Variants in ANXA8 observed in about 807,000 individuals in gnomAD.
The protein encoded by ANXA8 is VAC-beta.
In ANXA8, 9 loss-of-function variants were observed where a neutral mutation model predicts 26.8. That is an observed-to-expected ratio of 0.34 (90% CI 0.20 to 0.59). The LOEUF (loss-of-function observed/expected upper bound fraction) is 0.59. Ranked by LOEUF, ANXA8 falls within the 20% of genes least tolerant of loss-of-function variation. The pLI is 0.84. For missense variants in ANXA8, 83 were observed against 238.5 expected (o/e 0.35, Z 4.29); for synonymous variants, 39 against 94.8 (o/e 0.41, Z 3.42).
At chr10:47,484,862 G>T (rs1419982134), upstream of ANXA8, 8 of 443,844 alleles carry the variant, frequency 1.8e-5, no homozygotes, top group African/African-American at 4.2e-5. Flanking sequence ...CTTCTGGCTG[G>T]GGCACCTACA....
the ANXA8 span, among the ~76,000 whole-genome samples, chr10:47,644,673 C>T: frequency 5.3e-5 from 8 of 151,622 alleles, no homozygotes; most frequent in Non-Finnish European, 1.2e-4. Flanking sequence ...AGGGTCTTTC[C>T]TATTTAGTTT....
the ANXA8 span, among the ~76,000 whole-genome samples, chr10:47,966,556 T>C: frequency 6.8e-6 from 1 of 148,002 alleles, no homozygotes; most frequent in African/African-American, 2.5e-5. Context: ...CTCTGATGGC[T>C]CCCAGTCCTC....
the ANXA8 span, among the ~76,000 whole-genome samples, chr10:47,952,320 G>A: frequency 6.6e-6 from 1 of 151,462 alleles, no homozygotes; most frequent in South Asian, 2.1e-4. Flanking sequence ...GAAAGGAGGA[G>A]GTAAAACTGA....
the ANXA8 span, among the ~76,000 whole-genome samples, chr10:47,556,446 T>C: frequency 6.6e-6 from 1 of 151,988 alleles, no homozygotes; most frequent in Admixed American, 6.5e-5. Context: ...CATTTCCGTT[T>C]CCAAGAGGTA....
At chr10:47,528,122 C>T in the ANXA8 span, among the ~76,000 whole-genome samples, 1 of 137,812 alleles carries the variant, frequency 7.3e-6, no homozygotes. Flanking sequence ...CTCTGTCACC[C>T]AGGCTGGAGT....
the ANXA8 span, among the ~76,000 whole-genome samples, chr10:47,703,449 T>C: frequency 6.6e-6 from 1 of 150,680 alleles, no homozygotes; most frequent in Non-Finnish European, 1.5e-5. Flanking sequence ...GCCCCTATGG[T>C]CCCAGCTATT....
the ANXA8 span, among the ~76,000 whole-genome samples, chr10:47,562,170 T>C: frequency 6.6e-6 from 1 of 151,842 alleles, no homozygotes; most frequent in Non-Finnish European, 1.5e-5. Flanking sequence ...TTATGATCTG[T>C]ATAATAAATA....
At chr10:47,572,639 C>T in the ANXA8 span, among the ~76,000 whole-genome samples, 1 of 147,358 alleles carries the variant, frequency 6.8e-6, no homozygotes, top group Non-Finnish European at 1.5e-5. Flanking sequence ...ATTGCTTGAA[C>T]CTGGAAGGCA....
chr10:47,943,630 G>A, the ANXA8 span, among the ~76,000 whole-genome samples: 1 of 151,426 alleles, frequency 6.6e-6, no homozygotes, highest in Non-Finnish European at 1.5e-5. Context: ...ACAACTTTTG[G>A]GGTGTCCTGG....
chr10:47,573,022 C>T, the ANXA8 span, among the ~76,000 whole-genome samples: 6 of 147,672 alleles, frequency 4.1e-5, no homozygotes, highest in East Asian at 2.1e-4. Context: ...CTCACTCTGT[C>T]GCCAGGCTGG....
chr10:47,576,671 C>T, the ANXA8 span, among the ~76,000 whole-genome samples: 1 of 150,744 alleles, frequency 6.6e-6, no homozygotes, highest in Admixed American at 6.6e-5. Context: ...CACATACCAC[C>T]ACTAAGCACA....
the ANXA8 span, among the ~76,000 whole-genome samples, chr10:47,673,681 A>T: frequency 6.6e-6 from 1 of 151,888 alleles, no homozygotes; most frequent in African/African-American, 2.4e-5. Context: ...TTTAAAATAT[A>T]AACTTGAATT....
At chr10:47,744,896 T>C in the ANXA8 span, among the ~76,000 whole-genome samples, 1 of 151,974 alleles carries the variant, frequency 6.6e-6, no homozygotes, top group Admixed American at 6.6e-5. Flanking sequence ...TCCTGTAACT[T>C]CTAGCTATAA....
the ANXA8 span, among the ~76,000 whole-genome samples, chr10:47,976,544 TACACACAC>T: frequency 4.5e-5 from 6 of 132,308 alleles, 1 homozygote; most frequent in South Asian, 2.5e-4. Context: ...CCTCTGTCTT[TACACACAC>T]ACACACACAC....
chr10:47,693,197 G>A, the ANXA8 span, among the ~76,000 whole-genome samples: 1 of 151,594 alleles, frequency 6.6e-6, no homozygotes. Flanking sequence ...AGAAAACTTC[G>A]AAGCAATATT....
chr10:47,918,453 A>G, the ANXA8 span, among the ~76,000 whole-genome samples: 1 of 45,922 alleles, frequency 2.2e-5, no homozygotes, highest in African/African-American at 9.6e-5. Context: ...AAGACAGCGC[A>G]GCTCCAGCCT....
At chr10:47,766,092 C>T in the ANXA8 span, among the ~76,000 whole-genome samples, 2 of 146,202 alleles carry the variant, frequency 1.4e-5, no homozygotes, top group Non-Finnish European at 3.0e-5. Context: ...TCCTGGCAGC[C>T]GAGGGCCTCC....
the ANXA8 span, among the ~76,000 whole-genome samples, chr10:47,967,255 TG>T: frequency 6.6e-6 from 1 of 150,998 alleles, no homozygotes; most frequent in Non-Finnish European, 1.5e-5. Flanking sequence ...GTACTTCTGG[TG>T]GGCGCCTCCA....
the ANXA8 span, chr10:47,565,589 C>G: frequency 3.4e-5 from 10 of 294,948 alleles, no homozygotes; most frequent in Non-Finnish European, 6.1e-5. Context: ...CGCGCCCAGG[C>G]ACGCCCACGG....
Sources: gnomAD v4.1 joint callset for allele counts (sites outside exome capture counted in the v4.1 genomes callset) on GRCh38, gnomAD v4.1.1 for gene constraint, MANE v1.5 for transcripts, NCBI Gene and HGNC (gene_info 2026-07-23, HGNC 2026-07-21) for gene names.